TRPM6: variants seen among roughly 807,000 people sequenced by gnomAD.
TRPM6 encodes the protein channel kinase 2.
Under a neutral mutation model 247.6 loss-of-function variants are expected in TRPM6, and 111 were observed. The observed-to-expected ratio is 0.45, with a 90% CI of 0.38 to 0.52. The LOEUF is 0.52. Among genes scored for constraint, TRPM6 ranks in the 20% least tolerant of loss-of-function variants. TRPM6 has a pLI of 0.00. For missense variants in TRPM6, 2,126 were observed against 2,421.5 expected (o/e 0.88, Z 2.56); for synonymous variants, 892 against 853.8 (o/e 1.04, Z -0.78).
chr9:74,785,309 C>A (rs1827604801), intron 21 of TRPM6, among the ~76,000 whole-genome samples: 1 of 152,036 alleles, frequency 6.6e-6, no homozygotes, highest in Non-Finnish European at 1.5e-5. Flanking sequence ...AACACTAGAA[C>A]AACAGGGTGA....
At chr9:74,800,002 C>T (rs998706153) in intron 17 of TRPM6, 1 of 514,140 alleles carries the variant, frequency 1.9e-6, no homozygotes. Context: ...CTCACCACTC[C>T]ATGTGCATCC....
At chr9:74,757,179 A>C (rs1826455065) in intron 27 of TRPM6, among the ~76,000 whole-genome samples, 1 of 151,084 alleles carries the variant, frequency 6.6e-6, no homozygotes, top group South Asian at 2.2e-4. Context: ...CTTTGTCTAA[A>C]AAAACAAACT....
chr9:74,878,255 C>A (rs1409733945), intron 1 of TRPM6, among the ~76,000 whole-genome samples: 2 of 152,164 alleles, frequency 1.3e-5, no homozygotes, highest in East Asian at 3.9e-4. Flanking sequence ...AAGGACACAC[C>A]TGCCTGCCCT....
intron 27 of TRPM6, among the ~76,000 whole-genome samples, chr9:74,756,917 G>C (rs1219973994): frequency 6.6e-6 from 1 of 152,040 alleles, no homozygotes; most frequent in Non-Finnish European, 1.5e-5. Flanking sequence ...CAAACTAGAG[G>C]CTGGGCGTGG....
chr9:74,858,579 AACTTC>A, intron 2 of TRPM6, 85 bp downstream of exon 2: 1 of 792,502 alleles, frequency 1.3e-6, no homozygotes. Flanking sequence ...ATATGATCAA[AACTTC>A]TAAACAAGTC....
intron 5 of TRPM6, among the ~76,000 whole-genome samples, chr9:74,837,515 C>A (rs1313012962): frequency 6.6e-6 from 1 of 151,786 alleles, no homozygotes; most frequent in Non-Finnish European, 1.5e-5. Flanking sequence ...GGCACGATCT[C>A]GGCTCGCTGC....
intron 11 of TRPM6, 131 bp from the exon 12 acceptor site, chr9:74,812,564 C>CA: frequency 1.1e-5 from 8 of 723,396 alleles, no homozygotes; most frequent in South Asian, 1.8e-5. Flanking sequence ...TCAGTGGGTA[C>CA]AGAAAAAAAA....
chr9:74,786,387 C>CT (rs1427753421), intron 20 of TRPM6, among the ~76,000 whole-genome samples: 2 of 152,196 alleles, frequency 1.3e-5, no homozygotes, highest in African/African-American at 4.8e-5. Context: ...ATAGAAAGCA[C>CT]TTTTTCTAGC....
intron 30 of TRPM6, 48 bp from the exon 31 acceptor site, chr9:74,747,962 T>C: frequency 6.3e-7 from 1 of 1,577,178 alleles, no homozygotes; most frequent in Non-Finnish European, 8.7e-7. Flanking sequence ...GCCTTAAATC[T>C]TACAGTTATC....
At chr9:74,831,712 A>C (rs1564035145) in intron 6 of TRPM6, among the ~76,000 whole-genome samples, 1 of 152,240 alleles carries the variant, frequency 6.6e-6, no homozygotes, top group African/African-American at 2.4e-5. Flanking sequence ...TAATAACTGT[A>C]TTGATTCATG....
At chr9:74,874,410 TA>T (rs1831127062) in intron 1 of TRPM6, among the ~76,000 whole-genome samples, 1 of 152,122 alleles carries the variant, frequency 6.6e-6, no homozygotes, top group Admixed American at 6.5e-5. Context: ...CACATGATAT[TA>T]AAAGTTCCAG....
chr9:74,803,687 T>A (rs1223230573), intron 15 of TRPM6, 107 bp downstream of exon 15: 13 of 839,244 alleles, frequency 1.5e-5, no homozygotes, highest in Non-Finnish European at 2.5e-5. Flanking sequence ...ATGGCACTTA[T>A]AAATGGTCCC....
At chr9:74,769,190 G>T (rs1049624361) in intron 25 of TRPM6, among the ~76,000 whole-genome samples, 2 of 152,142 alleles carry the variant, frequency 1.3e-5, no homozygotes, top group African/African-American at 4.8e-5. Flanking sequence ...CTCTTGCCCA[G>T]GCTGGAGTGC....
In TRPM6 at chr9:74,722,764, C is replaced by T. The variant is rs1825184062; in HGVS notation, c.*1849G>A. ...TTTCCCGCTTTCCACCACCCCAAAACCCAAGTAAAAGGGGAATAAATTAGC... is the reference window on the plus strand; with the variant it reads ...TTTCCCGCTTTCCACCACCCCAAAATCCAAGTAAAAGGGGAATAAATTAGC... On this transcript the variant is annotated 3_prime_UTR_variant, in exon 39 of 39. Coordinates refer to ENST00000360774, the MANE Select transcript of TRPM6 (RefSeq NM_017662.5). The T allele has an allele frequency of 6.6e-6, 1 of 152,176 alleles. No homozygotes were observed. Among genetic ancestry groups the T allele is most frequent in the Non-Finnish European group, 1.5e-5 (1 of 68,024 alleles). The allele number at this position is 152,176 out of a possible 1,614,324, so 9.4% of individuals were successfully genotyped here.
chr9:74,844,990 A>C (rs1830060639), intron 3 of TRPM6, among the ~76,000 whole-genome samples: 1 of 152,228 alleles, frequency 6.6e-6, no homozygotes, highest in African/African-American at 2.4e-5. Flanking sequence ...GGTCAGTGGA[A>C]TAGTCAGAAC....
At chr9:74,787,793 G>A (rs1489843071) in intron 20 of TRPM6, among the ~76,000 whole-genome samples, 1 of 152,188 alleles carries the variant, frequency 6.6e-6, no homozygotes, top group African/African-American at 2.4e-5. Flanking sequence ...TTGGCTCACT[G>A]CAACCTCCAC....
At chr9:74,781,428 T>A (rs1827441579) in intron 23 of TRPM6, among the ~76,000 whole-genome samples, 2 of 146,928 alleles carry the variant, frequency 1.4e-5, no homozygotes, top group Admixed American at 1.4e-4. Context: ...CCCATCTACT[T>A]GGGAGGCTGA....
rs1404378001 is a variant in TRPM6 at position 74,728,287 on chromosome 9, T to A, written c.5887A>T (p.Ile1963Phe). 2 of 1,614,184 alleles carry A rather than the reference T, an allele frequency of 1.2e-6. No homozygotes were observed. Among genetic ancestry groups the A allele is most frequent in the Admixed American group, 1.7e-5 (1 of 60,024 alleles). Residue 1963 changes from isoleucine (I) to phenylalanine (F), a missense_variant, in exon 38 of 39, where the codon ATT becomes TTT. Physicochemically the swap from Ile to Phe is conservative, Grantham distance 21. Coordinates refer to ENST00000360774, the MANE Select transcript of TRPM6 (RefSeq NM_017662.5). ...NLGEDAIRNFIAKHHCNSCCR... is the reference protein window; with the variant it reads ...NLGEDAIRNFFAKHHCNSCCR... The stretch of plus-strand genomic sequence containing the variant: ...CAGGAGTTACAATGATGTTTTGCAA[T>A]GAAGTTTCTAATTGCATCTTCCCCC...
Position 74,762,703 on chromosome 9 carries a change from T to C in TRPM6, c.3968A>G (p.Gln1323Arg), listed in dbSNP as rs141295793. Residue 1323 changes from glutamine to arginine, a missense_variant, in exon 26 of 39, where the codon CAA (glutamine) becomes CGA (arginine). Transcript: ENST00000360774. ...VRNDQERQET[Q>R]SSIVVSGVSP... ...CACCCCAGAAACCACTATACTACTTTGTGTTTCTTGCCTTTCCTGGTCATT... is the reference window on the plus strand; with the variant it reads ...CACCCCAGAAACCACTATACTACTTCGTGTTTCTTGCCTTTCCTGGTCATT... The C allele has an allele frequency of 5.6e-6, 9 of 1,614,028 alleles. No individual in the cohort carries two copies. The African/African-American group carries it at 1.2e-4, about 22-fold the overall frequency.
Sources: gnomAD v4.1 joint callset for allele counts (sites outside exome capture counted in the v4.1 genomes callset) on GRCh38, gnomAD v4.1.1 for gene constraint, MANE v1.5 for transcripts, NCBI Gene and HGNC (gene_info 2026-07-23, HGNC 2026-07-21) for gene names.